Variants in GALNT7 observed in about 807,000 individuals in gnomAD.
GALNT7 encodes the protein polypeptide N-acetylgalactosaminyltransferase 7.
Under a neutral mutation model 82.1 loss-of-function variants are expected in GALNT7, and 60 were observed. The ratio of observed to expected loss-of-function variants is 0.73; its 90% CI spans 0.59 to 0.91. The LOEUF (loss-of-function observed/expected upper bound fraction) is 0.91. Ranked by LOEUF, GALNT7 falls within the 40% of genes least tolerant of loss-of-function variation. The pLI, the probability that GALNT7 is intolerant of heterozygous loss-of-function variation, is 0.00. For missense variants in GALNT7, 660 were observed against 804.2 expected (o/e 0.82, Z 2.17); for synonymous variants, 243 against 275.1 (o/e 0.88, Z 1.15).
chr4:173,185,073 C>T (rs995192371), intron 1 of GALNT7, among the ~76,000 whole-genome samples: 5 of 152,180 alleles, frequency 3.3e-5, no homozygotes, highest in South Asian at 2.1e-4. Context: ...TACATGTGTA[C>T]GTTAAAAAAT....
intron 1 of GALNT7, among the ~76,000 whole-genome samples, chr4:173,214,288 TA>T (rs11330286): frequency 0.019 from 2,624 of 140,374 alleles, 40 homozygotes; most frequent in East Asian, 0.064. Flanking sequence ...CAAAGCTCTT[TA>T]AAAAAAAAAA....
chr4:173,321,889 C>G lies in GALNT7; in HGVS notation c.*172C>G, dbSNP rs1737833256. 3.7e-6 allele frequency: 2 copies of G among 537,668 alleles called. No individual in the cohort carries two copies. Among genetic ancestry groups the G allele is most frequent in the Non-Finnish European group, 6.7e-6 (2 of 298,818 alleles). The allele number at this position is 537,668 out of a possible 1,614,324, so 33.3% of individuals were successfully genotyped here. ...AACTGTGATTTTACAATAACATTAT[C>G]ATCTGCAGTTACTGTTTACAAGACT... is the stretch of plus-strand genomic sequence containing the variant. On this transcript the variant is annotated 3_prime_UTR_variant, in exon 12 of 12. Transcript: ENST00000265000.
intron 1 of GALNT7, among the ~76,000 whole-genome samples, chr4:173,220,909 C>T (rs1476389196): frequency 6.6e-6 from 1 of 151,976 alleles, no homozygotes; most frequent in Non-Finnish European, 1.5e-5. Flanking sequence ...CATTGTTGGA[C>T]ATTTGGGTTG....
chr4:173,202,319 A>G (rs1479649162), intron 1 of GALNT7, among the ~76,000 whole-genome samples: 2 of 152,076 alleles, frequency 1.3e-5, no homozygotes, highest in East Asian at 3.9e-4. Flanking sequence ...TGTGGGTCCA[A>G]CTCTTTACCA....
intron 8 of GALNT7, among the ~76,000 whole-genome samples, chr4:173,311,226 C>CTA (rs1254360115): frequency 5.3e-5 from 8 of 152,190 alleles, no homozygotes; most frequent in African/African-American, 1.9e-4. Context: ...TCTGAGAAAA[C>CTA]TAATTGCTCC....
intron 1 of GALNT7, among the ~76,000 whole-genome samples, chr4:173,209,175 T>G (rs541759279): frequency 6.6e-6 from 1 of 152,206 alleles, no homozygotes; most frequent in Non-Finnish European, 1.5e-5. Context: ...TTTCAGAATT[T>G]TAATATCTGG....
intron 2 of GALNT7, among the ~76,000 whole-genome samples, chr4:173,265,193 A>G (rs963721288): frequency 6.6e-6 from 1 of 152,176 alleles, no homozygotes; most frequent in Non-Finnish European, 1.5e-5. Flanking sequence ...GCCATTTTAT[A>G]TTGCCAAGCT....
chr4:173,278,560 A>G (rs74515596), intron 2 of GALNT7, among the ~76,000 whole-genome samples: 2,031 of 152,364 alleles, frequency 0.013, 48 homozygotes, highest in African/African-American at 0.047. Flanking sequence ...AACCAACAAT[A>G]TAAAATGCAA....
At chr4:173,314,725 G>C (rs1163111437) in intron 9 of GALNT7, among the ~76,000 whole-genome samples, 3 of 152,094 alleles carry the variant, frequency 2.0e-5, no homozygotes, top group Non-Finnish European at 2.9e-5. Context: ...ATTAAAATCA[G>C]ACAAAAGCAC....
chr4:173,313,943 A>ATAT lies in GALNT7; in HGVS notation c.1390-14_1390-13insATT, dbSNP rs142053913. ...TTTTTATAACGATATATATATATAT[A>ATAT]TTTTTTTTTTACAGAATTATGTTAG... On this transcript the variant is annotated splice_polypyrimidine_tract_variant and intron_variant, in intron 8 of 11. Coordinates refer to ENST00000265000, the MANE Select transcript of GALNT7 (RefSeq NM_017423.3). The ATAT allele has an allele frequency of 5.6e-3, 4,998 of 899,156 alleles. 140 individuals carry two copies. In the African/African-American group the frequency reaches 0.072, roughly 13 times the overall value. 55.7% of individuals were successfully genotyped at this position (899,156 alleles called of 1,614,324 possible).
intron 1 of GALNT7, among the ~76,000 whole-genome samples, chr4:173,182,779 G>C (rs955726568): frequency 7.5e-6 from 1 of 133,736 alleles, no homozygotes; most frequent in African/African-American, 3.0e-5. Context: ...ACAACAGCGT[G>C]TTGCCTCTGA....
At chr4:173,265,411 T>A (rs1561180563) in intron 2 of GALNT7, among the ~76,000 whole-genome samples, 1 of 152,104 alleles carries the variant, frequency 6.6e-6, no homozygotes, top group Admixed American at 6.5e-5. Context: ...TTTTAGAACA[T>A]AGAAAACTTA....
chr4:173,206,446 A>G (rs930207395), intron 1 of GALNT7, among the ~76,000 whole-genome samples: 2 of 152,172 alleles, frequency 1.3e-5, no homozygotes, highest in Non-Finnish European at 2.9e-5. Context: ...GGAAAGTCCT[A>G]TTCCTCCATT....
intron 1 of GALNT7, among the ~76,000 whole-genome samples, chr4:173,186,183 C>G (rs1198941869): frequency 6.6e-6 from 1 of 152,146 alleles, no homozygotes; most frequent in Non-Finnish European, 1.5e-5. Flanking sequence ...GAACATTAAT[C>G]CTTATGAATA....
chr4:173,285,556 T>A (rs1202175818), intron 2 of GALNT7, among the ~76,000 whole-genome samples: 1 of 152,256 alleles, frequency 6.6e-6, no homozygotes, highest in Non-Finnish European at 1.5e-5. Flanking sequence ...ATAATTCTTG[T>A]CTGTTTTTAT....
chr4:173,284,926 C>T (rs1044563315), intron 2 of GALNT7, among the ~76,000 whole-genome samples: 1 of 152,042 alleles, frequency 6.6e-6, no homozygotes, highest in African/African-American at 2.4e-5. Flanking sequence ...TATTTTATAA[C>T]CCTTTACAAG....
chr4:173,268,919 C>T (rs1444960303), intron 2 of GALNT7, among the ~76,000 whole-genome samples: 3 of 152,128 alleles, frequency 2.0e-5, no homozygotes, highest in Non-Finnish European at 2.9e-5. Context: ...TTGCAATCCA[C>T]ATTTGTGGAC....
chr4:173,248,135 A>G lies in GALNT7; in HGVS notation c.282A>G (p.Glu94=), dbSNP rs200651054. 8.7e-6 allele frequency: 14 copies of G among 1,613,808 alleles called. No homozygotes were observed. Among genetic ancestry groups the G allele is most frequent in the African/African-American group, 1.3e-5 (1 of 74,914 alleles). ...SIRRINKAKN[E]QEHHAGGDSQ... The stretch of plus-strand genomic sequence containing the variant: ...GAAGAATAAACAAGGCCAAAAATGA[A>G]CAAGAGCACCATGCTGGAGGAGATT... The change falls in exon 2 of 12, where the codon GAA becomes GAG. Residue 94 remains glutamate, a synonymous_variant. Coordinates refer to ENST00000265000, the MANE Select transcript of GALNT7 (RefSeq NM_017423.3).
chr4:173,200,846 G>A (rs943572035), intron 1 of GALNT7, among the ~76,000 whole-genome samples: 1 of 152,142 alleles, frequency 6.6e-6, no homozygotes, highest in African/African-American at 2.4e-5. Context: ...TATTCTGAAT[G>A]AGAAAAGAAT....
Sources: gnomAD v4.1 joint callset for allele counts (sites outside exome capture counted in the v4.1 genomes callset) on GRCh38, gnomAD v4.1.1 for gene constraint, MANE v1.5 for transcripts, NCBI Gene and HGNC (gene_info 2026-07-23, HGNC 2026-07-21) for gene names.